STPG1: variants seen among roughly 807,000 people sequenced by gnomAD.
STPG1 encodes the protein sperm tail PG-rich repeat containing 1, also known as O(6)-methylguanine-induced apoptosis 2.
In STPG1, 33 loss-of-function variants were observed where a neutral mutation model predicts 40.1. That is an observed-to-expected ratio of 0.82 (90% confidence interval 0.62 to 1.10). STPG1 has a LOEUF of 1.10. STPG1 is among the 50% of genes least tolerant of loss of function. The pLI is 0.00. For missense variants in STPG1, 396 were observed against 415.1 expected (o/e 0.95, Z 0.40); for synonymous variants, 150 against 155.0 (o/e 0.97, Z 0.24).
At chr1:24,377,233 C>T (rs548993291) in intron 5 of STPG1, among the ~76,000 whole-genome samples, 51 of 152,112 alleles carry the variant, frequency 3.4e-4, no homozygotes, top group Non-Finnish European at 7.1e-4. Flanking sequence ...CCAGCCTGGG[C>T]GACAGAGCAA....
In STPG1 at chr1:24,383,948, T is replaced by C. The variant is rs1642393747; in HGVS notation, c.245A>G (p.Asn82Ser). The change falls in exon 4 of 9, where the codon AAC (asparagine) becomes AGC (serine). Residue 82 changes from asparagine to serine, a missense_variant. Transcript: ENST00000337248. The part of the protein sequence containing the change: ...YNVIHQSPVS[N>S]SVSLSKKGTC... ...TCCTTTCTTGGACAATGAGACACTG[T>C]TGGACACCGGTGACTGGTGAATAAC... is the stretch of plus-strand genomic sequence containing the variant. 1 of 1,614,104 alleles carries C rather than the reference T, an allele frequency of 6.2e-7. No individual in the cohort carries two copies. Among genetic ancestry groups the C allele is most frequent in the Non-Finnish European group, 8.5e-7 (1 of 1,179,914 alleles).
intron 3 of STPG1, among the ~76,000 whole-genome samples, chr1:24,387,366 T>C (rs919600738): frequency 1.1e-4 from 16 of 151,836 alleles, no homozygotes; most frequent in Non-Finnish European, 1.3e-4. Context: ...TTTTGAGGGG[T>C]TTGTGGGGTC....
intron 3 of STPG1, among the ~76,000 whole-genome samples, chr1:24,386,232 C>T (rs507908): frequency 0.65 from 98,459 of 152,172 alleles, 31,936 homozygotes; most frequent in East Asian, 0.77. Context: ...CTGGACATCT[C>T]GTGTTTTCAT....
intron 3 of STPG1, among the ~76,000 whole-genome samples, chr1:24,385,979 C>T (rs1213783814): frequency 6.6e-6 from 1 of 152,156 alleles, no homozygotes; most frequent in Non-Finnish European, 1.5e-5. Flanking sequence ...ACCTCTAGCT[C>T]CCGGTTATCA....
intron 3 of STPG1, among the ~76,000 whole-genome samples, chr1:24,387,868 G>T (rs1642583237): frequency 6.6e-6 from 1 of 152,152 alleles, no homozygotes; most frequent in African/African-American, 2.4e-5. Context: ...CTGTCCCCTT[G>T]AACATGGTGA....
At chr1:24,382,917 C>CTTTTTTT (rs56972835) in intron 4 of STPG1, among the ~76,000 whole-genome samples, 43,208 of 132,360 alleles carry the variant, frequency 0.33, 7,765 homozygotes, top group East Asian at 0.42. Context: ...TTTCTTTTCA[C>CTTTTTTT]TTTTTTTTTT....
rs2148672126 is a variant in STPG1, at chr1:24,358,000, T to C, written c.*543A>G. The C allele has an allele frequency of 2.8e-6, 1 of 354,074 alleles. No individual in the cohort carries two copies. The highest frequency in any genetic ancestry group is 2.1e-5 in the South Asian group (1 of 47,348). The allele number at this position is 354,074 out of a possible 1,614,324, so 21.9% of individuals were successfully genotyped here. A position where few individuals can be genotyped will look rare whatever the true frequency, so the allele number is the denominator to read the frequency against. ...TCACTTTAGAAAGGAAGCTGTGGAC[T>C]GGTGGAAAAAGCATCACCTGCCTGC... is the stretch of plus-strand genomic sequence containing the variant. On this transcript the variant is annotated 3_prime_UTR_variant, in exon 9 of 9. Coordinates refer to ENST00000337248, the MANE Select transcript of STPG1 (RefSeq NM_001199013.2).
chr1:24,373,518 T>A (rs1426634667), intron 6 of STPG1, among the ~76,000 whole-genome samples, 184 bp downstream of exon 6: 14 of 152,154 alleles, frequency 9.2e-5, no homozygotes, highest in Admixed American at 9.2e-4. Context: ...CCAGCCATTG[T>A]CCTCCTGGTG....
rs150278581 is a variant in STPG1 at position 24,359,573 on chromosome 1, C to G, written c.929-954G>C. Among the ~76,000 whole-genome samples the G allele has an allele frequency of 2.7e-3, 415 of 152,322 alleles. 2 individuals are homozygous for G. Among genetic ancestry groups the G allele is most frequent in the African/African-American group, 9.3e-3 (386 of 41,574 alleles). On this transcript the variant is annotated intron_variant, in intron 8 of 8. Coordinates refer to ENST00000337248, the MANE Select transcript of STPG1 (RefSeq NM_001199013.2). The surrounding 1 kb of genome is among the most constrained non-coding windows in gnomAD (Gnocchi z 5.3). Reference sequence around the variant, plus strand: ...CCAGTCTGCCTTATGTTAGTCTCACCTGTGAGTATGGAGCTGACGGCATCT... The same window carrying G: ...CCAGTCTGCCTTATGTTAGTCTCACGTGTGAGTATGGAGCTGACGGCATCT...
In STPG1 at chr1:24,401,244, C is replaced by T; in HGVS notation, c.70+75G>A. The T allele has an allele frequency of 2.3e-6, 3 of 1,320,176 alleles. 1 individual carries two copies. In the African/African-American group the frequency reaches 4.3e-5, roughly 19 times the overall value. 81.8% of individuals were successfully genotyped at this position (1,320,176 alleles called of 1,614,324 possible). On this transcript the variant is annotated intron_variant, in intron 2 of 8. Coordinates refer to ENST00000337248, the MANE Select transcript of STPG1 (RefSeq NM_001199013.2). ...TGGATATAACCCAGGACTTACTATTCCCCCCAAATTTGCTCTTATGTACTA... is the reference window on the plus strand; with the variant it reads ...TGGATATAACCCAGGACTTACTATTTCCCCCAAATTTGCTCTTATGTACTA...
At chr1:24,392,037 G>A (rs1433773656) in intron 2 of STPG1, 1 of 1,024,038 alleles carries the variant, frequency 9.8e-7, no homozygotes, top group Non-Finnish European at 1.2e-6. Flanking sequence ...GCGCGGTCAG[G>A]ACAGAGGAAG....
chr1:24,361,185 T>C (rs1335086538), intron 7 of STPG1, 144 bp from the exon 8 acceptor site: 1 of 701,812 alleles, frequency 1.4e-6, no homozygotes, highest in East Asian at 2.9e-5. Flanking sequence ...CTAGCTCCAC[T>C]GGTAGTGAGC....
rs1640750145 is a variant in STPG1, at chr1:24,357,007, C to T, written c.*1536G>A. The T allele has an allele frequency of 1.3e-5, 2 of 148,548 alleles. No homozygotes were observed. Among genetic ancestry groups the T allele is most frequent in the Admixed American group, 6.8e-5 (1 of 14,808 alleles). 9.2% of individuals were successfully genotyped at this position (148,548 alleles called of 1,614,324 possible). A position where few individuals can be genotyped will look rare whatever the true frequency, so the allele number is the denominator to read the frequency against. On this transcript the variant is annotated 3_prime_UTR_variant, in exon 9 of 9. Transcript: ENST00000337248. ...AAGGGGTACCCAAAAGCTCAATAAG[C>T]AAGATAAATAAGTTTAATGCAATAT... is the stretch of plus-strand genomic sequence containing the variant.
intron 1 of STPG1, among the ~76,000 whole-genome samples, chr1:24,403,765 T>C (rs533690414): frequency 2.0e-5 from 3 of 152,258 alleles, no homozygotes; most frequent in Non-Finnish European, 2.9e-5. Context: ...ATTGCTGGTA[T>C]AGAGAAATAT....
chr1:24,373,709 A>T lies in STPG1; in HGVS notation c.564T>A (p.Pro188=). 1 of 1,607,122 alleles carries T rather than the reference A, an allele frequency of 6.2e-7. No homozygotes were observed. The highest frequency in any genetic ancestry group is 8.5e-7 in the Non-Finnish European group (1 of 1,174,012). The change falls in exon 6 of 9, where the codon CCT becomes CCA. Residue 188 remains proline (P), a synonymous_variant. Coordinates refer to ENST00000337248, the MANE Select transcript of STPG1 (RefSeq NM_001199013.2). ...TGCAAAGCAGCTGCTTACCTGGGGG[A>T]GGTCCTTTATCAGCAAAAGCGAAAG... ...RGSFAFADKG[P]PPGHYDINES...
At chr1:24,403,537 G>A (rs114600457) in intron 1 of STPG1, among the ~76,000 whole-genome samples, 3,098 of 152,144 alleles carry the variant, frequency 0.02, 56 homozygotes, top group Non-Finnish European at 0.033. Flanking sequence ...TGAATCTATA[G>A]AACAATTTAG....
chr1:24,386,600 A>G (rs1233651581), intron 3 of STPG1, among the ~76,000 whole-genome samples: 1 of 152,212 alleles, frequency 6.6e-6, no homozygotes, highest in Non-Finnish European at 1.5e-5. Flanking sequence ...CCTTCGTGCA[A>G]CGCCCAAGTA....
chr1:24,361,015 G>A lies in STPG1; in HGVS notation c.764C>T (p.Ala255Val). ...FPKNPILNFSAQPSPLPPKPP... is the reference protein window; with the variant it reads ...FPKNPILNFSVQPSPLPPKPP... ...CTTCGGAGGCAGAGGCGAAGGCTGA[G>A]CAGAGAAGTTCAGGATGGGGTTTTT... is the stretch of plus-strand genomic sequence containing the variant. The change falls in exon 8 of 9, where the codon GCT becomes GTT. Residue 255 changes from alanine (A) to valine (V), a missense_variant. By Grantham distance (64) the Ala-to-Val change is moderately conservative. Transcript: ENST00000337248. 1 of 1,611,956 alleles carries A rather than the reference G, an allele frequency of 6.2e-7. No individual in the cohort carries two copies. The highest frequency in any genetic ancestry group is 8.5e-7 in the Non-Finnish European group (1 of 1,179,056).
chr1:24,414,412 C>T (rs1643918275), upstream of STPG1: 1 of 151,620 alleles, frequency 6.6e-6, no homozygotes, highest in African/African-American at 2.4e-5. Flanking sequence ...AGGGCAGCCA[C>T]TTAGTATTCC....
Sources: gnomAD v4.1 joint callset for allele counts (sites outside exome capture counted in the v4.1 genomes callset) on GRCh38, gnomAD v4.1.1 for gene constraint, Gnocchi (gnomAD v3.1) non-coding constraint, MANE v1.5 for transcripts, NCBI Gene and HGNC (gene_info 2026-07-23, HGNC 2026-07-21) for gene names.